Variants in EPG5 observed in about 807,000 individuals in gnomAD.
EPG5 encodes ectopic P granules protein 5 homolog.
In EPG5, 159 loss-of-function variants were observed where a neutral mutation model predicts 302.7. That is an observed-to-expected ratio of 0.53 (90% confidence interval 0.46 to 0.60). The LOEUF (loss-of-function observed/expected upper bound fraction) is 0.60. EPG5 is among the 20% of genes least tolerant of loss of function. The probability of loss-of-function intolerance (pLI) is 0.00; values close to 1 mark genes in which losing one functional copy is unlikely to be tolerated. For missense variants in EPG5, 2,896 were observed against 3,092.4 expected (o/e 0.94, Z 1.51); for synonymous variants, 1,158 against 1,136.8 (o/e 1.02, Z -0.37).
Position 45,967,163 on chromosome 18 carries a change from G to T in EPG5, c.63+14C>A, listed in dbSNP as rs757703100. 2.2e-5 allele frequency: 31 copies of T among 1,438,604 alleles called. No homozygotes were observed. In the South Asian group the frequency reaches 3.6e-4, roughly 17 times the overall value. 89.1% of individuals were successfully genotyped at this position (1,438,604 alleles called of 1,614,324 possible). ...ACACTGCCAGAGCCTCGGGAGGGTG[G>T]GGGAGATCCTCACCTTTGTTTTAGT... On this transcript the variant is annotated intron_variant, in intron 1 of 43. Coordinates refer to ENST00000282041, the MANE Select transcript of EPG5 (RefSeq NM_020964.3).
chr18:45,962,733 T>G (rs541342734), intron 1 of EPG5, among the ~76,000 whole-genome samples: 2 of 152,298 alleles, frequency 1.3e-5, no homozygotes, highest in Admixed American at 6.5e-5. Context: ...GAACTGAGAC[T>G]TTGAACCAGT....
At chr18:45,860,053 A>T in intron 40 of EPG5, 51 bp downstream of exon 40, 1 of 1,601,098 alleles carries the variant, frequency 6.2e-7, no homozygotes, top group Non-Finnish European at 8.5e-7. Context: ...CAATGCTTTC[A>T]TCTTTCTGGA....
chr18:45,894,060 C>T (rs2049413006), intron 27 of EPG5, among the ~76,000 whole-genome samples: 1 of 152,118 alleles, frequency 6.6e-6, no homozygotes, highest in South Asian at 2.1e-4. Context: ...AACTCAAAAT[C>T]TAGTAACAGC....
At chr18:45,880,445 G>C (rs940598573) in intron 31 of EPG5, among the ~76,000 whole-genome samples, 4 of 152,152 alleles carry the variant, frequency 2.6e-5, no homozygotes, top group African/African-American at 9.7e-5. Context: ...AACCCTGCTG[G>C]GAGTGAGCGC....
the EPG5 span, among the ~76,000 whole-genome samples, chr18:45,834,772 C>T: frequency 6.6e-6 from 1 of 152,164 alleles, no homozygotes; most frequent in African/African-American, 2.4e-5. Context: ...GATGAATGCA[C>T]GATAGCAAAT....
At chr18:45,898,209 T>C (rs78975710) in intron 27 of EPG5, among the ~76,000 whole-genome samples, 7,009 of 152,172 alleles carry the variant, frequency 0.046, 477 homozygotes, top group African/African-American at 0.15. Context: ...CAAAACCCCA[T>C]CTCTACTTTA....
At chr18:45,818,737 T>TTTTG in the EPG5 span, among the ~76,000 whole-genome samples, 13 of 146,122 alleles carry the variant, frequency 8.9e-5, no homozygotes, top group Admixed American at 2.1e-4. Flanking sequence ...CATAACTTTT[T>TTTTG]TTTTTTTTTT....
chr18:45,915,345 C>G (rs565218559), intron 20 of EPG5, among the ~76,000 whole-genome samples, 166 bp downstream of exon 20: 10 of 152,142 alleles, frequency 6.6e-5, no homozygotes, highest in African/African-American at 2.4e-4. Context: ...GGCAACAGCA[C>G]AACCTCACCA....
Position 45,880,267 on chromosome 18 carries a change from A to T in EPG5, c.5519-44T>A, listed in dbSNP as rs545369069. The T allele has an allele frequency of 4.0e-6, 6 of 1,507,216 alleles. No individual in the cohort carries two copies. The South Asian group carries it at 7.5e-5, about 19-fold the overall frequency. The allele number at this position is 1,507,216 out of a possible 1,614,324, so 93.4% of individuals were successfully genotyped here. A position where few individuals can be genotyped will look rare whatever the true frequency, so the allele number is the denominator to read the frequency against. On this transcript the variant is annotated intron_variant, in intron 31 of 43. Transcript: ENST00000282041. Reference sequence around the variant, plus strand: ...AGAGCAAGTCAGTGGCTTTCCCGAAAGGAATATTTTAACTTGTAACAAAGA... The same window carrying T: ...AGAGCAAGTCAGTGGCTTTCCCGAATGGAATATTTTAACTTGTAACAAAGA...
intron 28 of EPG5, 149 bp downstream of exon 28, chr18:45,889,649 C>A: frequency 1.9e-6 from 1 of 528,640 alleles, no homozygotes; most frequent in Non-Finnish European, 3.1e-6. Flanking sequence ...AAGTAGCAGG[C>A]CAGATTTGAC....
At chr18:45,823,231 C>G in the EPG5 span, among the ~76,000 whole-genome samples, 1 of 152,062 alleles carries the variant, frequency 6.6e-6, no homozygotes, top group Non-Finnish European at 1.5e-5. Flanking sequence ...GGTGCTTTAA[C>G]AACAAATTTA....
In EPG5 at chr18:45,952,618, A is replaced by G. The variant is rs2050937554; in HGVS notation, c.1034T>C (p.Val345Ala). The change falls in exon 3 of 44, where the codon GTT becomes GCT. Residue 345 changes from valine (V) to alanine (A), a missense_variant. Coordinates refer to ENST00000282041, the MANE Select transcript of EPG5 (RefSeq NM_020964.3). ...VQGICADQVK[V>A]FSYHRYQRVE... ...TCTTTGGTAGCGATGATAGCTGAAA[A>G]CTTTCACTTGATCTGCACAGATACC... 6.2e-7 allele frequency: 1 copy of G among 1,614,006 alleles called. No individual in the cohort carries two copies. The highest frequency in any genetic ancestry group is 1.3e-5 in the African/African-American group (1 of 74,894).
chr18:45,840,628 C>T, the EPG5 span, among the ~76,000 whole-genome samples: 1 of 152,176 alleles, frequency 6.6e-6, no homozygotes, highest in Non-Finnish European at 1.5e-5. Context: ...GGTGAGGGGC[C>T]CAGAGACCCC....
At chr18:45,963,420 C>T (rs888996149) in intron 1 of EPG5, among the ~76,000 whole-genome samples, 3 of 152,064 alleles carry the variant, frequency 2.0e-5, no homozygotes, top group Admixed American at 1.3e-4. Context: ...GTGGATCATC[C>T]GAGGCCAGGA....
At chr18:45,926,220 C>T (rs990314233) in intron 13 of EPG5, among the ~76,000 whole-genome samples, 1 of 152,066 alleles carries the variant, frequency 6.6e-6, no homozygotes, top group East Asian at 1.9e-4. Context: ...CGGGGGACGG[C>T]TATTCACTTT....
chr18:45,928,936 G>T lies in EPG5; in HGVS notation c.2486C>A (p.Ala829Asp). 1 of 1,613,634 alleles carries T rather than the reference G, an allele frequency of 6.2e-7. No homozygotes were observed. The highest frequency in any genetic ancestry group is 1.3e-5 in the African/African-American group (1 of 75,034). ...GACGGAAATTATCTCAGGGTGAACA[G>T]CTGTGATAGTCCCTAAAAGCTCTCG... is the stretch of plus-strand genomic sequence containing the variant. ...VGRELLGTIT[A>D]VHPEIISVLL... Residue 829 changes from alanine to aspartate, a missense_variant, in exon 13 of 44, where the codon GCT becomes GAT. This residue lies in a region of EPG5 where 1,390 missense variants were observed against 1,430.0 expected (regional missense o/e 0.97). Coordinates refer to ENST00000282041, the MANE Select transcript of EPG5 (RefSeq NM_020964.3).
rs1475613365 is a variant in EPG5, at chr18:45,847,787, G to A, written c.*4680C>T. On this transcript the variant is annotated 3_prime_UTR_variant, in exon 44 of 44. Transcript: ENST00000282041. ...CAAAATAAAGTTGTGGTTTTTAAAG[G>A]TCACACTAGATATGTGGGAAGAAAA... is the stretch of plus-strand genomic sequence containing the variant. 2.8e-4 allele frequency: 43 copies of A among 152,214 alleles called. No homozygotes were observed. Among genetic ancestry groups the A allele is most frequent in the African/African-American group, 4.8e-5 (2 of 41,306 alleles). The allele number at this position is 152,214 out of a possible 1,614,324, so 9.4% of individuals were successfully genotyped here.
chr18:45,854,640 G>A lies in EPG5; in HGVS notation c.7557+933C>T, dbSNP rs118005948. 1.1e-4 allele frequency among the ~76,000 whole-genome samples: 16 copies of A among 152,154 alleles called. No homozygotes were observed. The East Asian group carries it at 1.9e-3, about 18-fold the overall frequency. ...TTGGGAGGCTGAGGCTAAGAGGAAC[G>A]CTTGAAGCCAGGAGTTTGAGACCAA... is the stretch of plus-strand genomic sequence containing the variant. On this transcript the variant is annotated intron_variant, in intron 43 of 43. Coordinates refer to ENST00000282041, the MANE Select transcript of EPG5 (RefSeq NM_020964.3).
At chr18:45,837,599 A>T in the EPG5 span, 1 of 1,510,498 alleles carries the variant, frequency 6.6e-7, no homozygotes, top group Non-Finnish European at 8.8e-7. Flanking sequence ...CTGCACCTTC[A>T]CGCACCCGCA....
Sources: gnomAD v4.1 joint callset for allele counts (sites outside exome capture counted in the v4.1 genomes callset) on GRCh38, gnomAD v4.1.1 for gene constraint, gnomAD v4.1.1 regional missense constraint, MANE v1.5 for transcripts, NCBI Gene and HGNC (gene_info 2026-07-23, HGNC 2026-07-21) for gene names.